Variants in SPDYA observed in about 807,000 individuals in gnomAD.
SPDYA encodes the protein speedy/RINGO cell cycle regulator family member A, also known as speedy protein A.
SPDYA carries 11 observed loss-of-function variants against 36.7 expected under a neutral mutation model. The ratio of observed to expected loss-of-function variants is 0.30; its 90% confidence interval spans 0.19 to 0.50. The LOEUF (loss-of-function observed/expected upper bound fraction) is 0.50, where lower values mean the gene tolerates loss of function less well. SPDYA is among the 20% of genes least tolerant of loss of function. The pLI, the probability that SPDYA is intolerant of heterozygous loss-of-function variation, is 0.98. For missense variants in SPDYA, 287 were observed against 370.9 expected (o/e 0.77, Z 1.86); for synonymous variants, 115 against 118.7 (o/e 0.97, Z 0.20).
intron 4 of SPDYA, among the ~76,000 whole-genome samples, chr2:28,821,692 G>A (rs1365260656): frequency 6.6e-6 from 1 of 152,148 alleles, no homozygotes; most frequent in Non-Finnish European, 1.5e-5. Context: ...TGTCTTACGA[G>A]AGATAATCTG....
intron 7 of SPDYA, among the ~76,000 whole-genome samples, chr2:28,844,863 G>A (rs1668833012): frequency 6.6e-6 from 1 of 152,076 alleles, no homozygotes; most frequent in South Asian, 2.1e-4. Context: ...AACCCGGGAG[G>A]CGGAGGTTGC....
Position 28,840,365 on chromosome 2 carries a change from C to A in SPDYA, c.746C>A (p.Ser249Tyr). 2 of 1,611,088 alleles carry A rather than the reference C, an allele frequency of 1.2e-6. No individual in the cohort carries two copies. Among genetic ancestry groups the A allele is most frequent in the Non-Finnish European group, 1.7e-6 (2 of 1,178,860 alleles). ...GGATTGTCTTCATCATCATCTTTATCCAGTCATACAGCAGGGGTGACAGAA... is the reference window on the plus strand; with the variant it reads ...GGATTGTCTTCATCATCATCTTTATACAGTCATACAGCAGGGGTGACAGAA... ...RLGLSSSSSL[S>Y]SHTAGVTEKH... is the part of the protein sequence containing the mutation. The change falls in exon 7 of 8, where the codon TCC becomes TAC. Residue 249 changes from serine (S) to tyrosine (Y), a missense_variant. By Grantham distance (144) the Ser-to-Tyr change is moderately radical (BLOSUM62 -2). Coordinates refer to ENST00000334056, the MANE Select transcript of SPDYA (RefSeq NM_182756.4).
At chr2:28,817,516 G>GCAC (rs1240085276) in intron 3 of SPDYA, among the ~76,000 whole-genome samples, 12 of 149,790 alleles carry the variant, frequency 8.0e-5, no homozygotes, top group Non-Finnish European at 1.5e-4. Flanking sequence ...AGCCGAGATC[G>GCAC]CACCATTGCA....
chr2:28,818,747 A>C (rs959254008), intron 3 of SPDYA, among the ~76,000 whole-genome samples: 9 of 152,248 alleles, frequency 5.9e-5, no homozygotes, highest in Admixed American at 4.6e-4. Flanking sequence ...AGGAGAGAAG[A>C]ATGCAAAACT....
chr2:28,820,478 C>T lies in SPDYA; in HGVS notation c.294+1372C>T, dbSNP rs369836953. 3.3e-5 allele frequency among the ~76,000 whole-genome samples: 5 copies of T among 151,836 alleles called. No homozygotes were observed. The East Asian group carries it at 7.8e-4, about 24-fold the overall frequency. ...GTGCGCACCCATAGTCCCAGCTACTCGGGAGGCTGAGACAGGAGAATTGCT... is the reference window on the plus strand; with the variant it reads ...GTGCGCACCCATAGTCCCAGCTACTTGGGAGGCTGAGACAGGAGAATTGCT... On this transcript the variant is annotated intron_variant, in intron 4 of 7. Transcript: ENST00000334056.
At chr2:28,820,576 ACT>A (rs1668132636) in intron 4 of SPDYA, among the ~76,000 whole-genome samples, 1 of 151,934 alleles carries the variant, frequency 6.6e-6, no homozygotes, top group African/African-American at 2.4e-5. Context: ...ACAGATCGAG[ACT>A]CTGTCTCAAA....
At chr2:28,821,493 G>A (rs766241656) in intron 4 of SPDYA, among the ~76,000 whole-genome samples, 1 of 152,104 alleles carries the variant, frequency 6.6e-6, no homozygotes, top group African/African-American at 2.4e-5. Context: ...GAGCCACTGC[G>A]CCCGTCAGGA....
intron 2 of SPDYA, among the ~76,000 whole-genome samples, chr2:28,815,193 G>A (rs1022539516): frequency 1.3e-5 from 2 of 151,302 alleles, no homozygotes; most frequent in East Asian, 3.9e-4. Flanking sequence ...AAGGAAGGAG[G>A]ATCACTTGAG....
chr2:28,835,590 T>A (rs1440602216), intron 6 of SPDYA, among the ~76,000 whole-genome samples: 1 of 152,220 alleles, frequency 6.6e-6, no homozygotes, highest in Non-Finnish European at 1.5e-5. Flanking sequence ...TAGTGGGTAG[T>A]CAATAAATAT....
intron 6 of SPDYA, among the ~76,000 whole-genome samples, chr2:28,833,283 C>CCCT (rs1668519260): frequency 6.6e-6 from 1 of 152,124 alleles, no homozygotes; most frequent in Admixed American, 6.5e-5. Context: ...GGTCTATCAG[C>CCCT]CCTCCTCCCT....
At chr2:28,812,286 T>A (rs1667865866) in intron 1 of SPDYA, among the ~76,000 whole-genome samples, 1 of 152,166 alleles carries the variant, frequency 6.6e-6, no homozygotes. Flanking sequence ...AAGGCTTACT[T>A]GCCTGTCCTG....
intron 6 of SPDYA, among the ~76,000 whole-genome samples, chr2:28,837,475 T>C (rs112239068): frequency 0.014 from 2,120 of 152,288 alleles, 27 homozygotes; most frequent in Admixed American, 0.019. Flanking sequence ...GGTCAACAGG[T>C]ATGGTAAAAG....
At chr2:28,828,826 G>C (rs1020113591) in intron 5 of SPDYA, among the ~76,000 whole-genome samples, 48 of 152,170 alleles carry the variant, frequency 3.2e-4, no homozygotes, top group African/African-American at 7.7e-4. Context: ...TGCCTCAGTA[G>C]TGAGGAATAA....
intron 7 of SPDYA, among the ~76,000 whole-genome samples, chr2:28,845,591 C>G (rs13417543): frequency 0.42 from 63,084 of 152,008 alleles, 13,946 homozygotes; most frequent in Middle Eastern, 0.51. Context: ...GTTGCCCAGG[C>G]TGGAGTGCAA....
intron 7 of SPDYA, among the ~76,000 whole-genome samples, chr2:28,848,475 G>C (rs952648500): frequency 2.0e-5 from 3 of 152,138 alleles, no homozygotes; most frequent in South Asian, 2.1e-4. Context: ...TCACTTGCTA[G>C]GGCAAAGTCC....
rs1157662649 is a variant in SPDYA at position 28,811,778 on chromosome 2, G to A, written c.-93+831G>A. ...CGGAGGTTGCAGTGAGCTAAAACCCGTCTCTACAAAAAATAACTTAAAAAA... is the reference window on the plus strand; with the variant it reads ...CGGAGGTTGCAGTGAGCTAAAACCCATCTCTACAAAAAATAACTTAAAAAA... On this transcript the variant is annotated intron_variant, in intron 1 of 7. Transcript: ENST00000334056. The surrounding 1 kb of genome is among the most constrained non-coding windows in gnomAD (Gnocchi z 4.2). Among the ~76,000 whole-genome samples, 1 of 150,982 alleles carries A rather than the reference G, an allele frequency of 6.6e-6. No homozygotes were observed. Among genetic ancestry groups the A allele is most frequent in the Non-Finnish European group, 1.5e-5 (1 of 67,778 alleles).
intron 6 of SPDYA, among the ~76,000 whole-genome samples, chr2:28,835,517 A>T (rs1205619848): frequency 6.6e-6 from 1 of 152,332 alleles, no homozygotes; most frequent in South Asian, 2.1e-4. Context: ...GATTACAGGC[A>T]TGAGCGCCCA....
At chr2:28,849,785 T>C (rs1435044189) in intron 7 of SPDYA, 65 bp from the exon 8 acceptor site, 3 of 910,730 alleles carry the variant, frequency 3.3e-6, no homozygotes, top group Non-Finnish European at 5.1e-6. Context: ...ATACAAGCCA[T>C]TATAAGATGT....
At chr2:28,835,682 A>C (rs1265082096) in intron 6 of SPDYA, among the ~76,000 whole-genome samples, 1 of 152,218 alleles carries the variant, frequency 6.6e-6, no homozygotes, top group East Asian at 1.9e-4. Flanking sequence ...ATAAACTATA[A>C]AATAATTATT....
Sources: gnomAD v4.1 joint callset for allele counts (sites outside exome capture counted in the v4.1 genomes callset) on GRCh38, gnomAD v4.1.1 for gene constraint, Gnocchi (gnomAD v3.1) non-coding constraint, MANE v1.5 for transcripts, NCBI Gene and HGNC (gene_info 2026-07-23, HGNC 2026-07-21) for gene names.